Variants in ZNF385D observed in about 807,000 individuals in gnomAD.
ZNF385D encodes the protein zinc finger protein 659.
In ZNF385D, 15 loss-of-function variants were observed where a neutral mutation model predicts 35.8. That is an observed-to-expected ratio of 0.42 (90% CI 0.28 to 0.64). ZNF385D has a LOEUF of 0.64. Ranked by LOEUF, ZNF385D falls within the 30% of genes least tolerant of loss-of-function variation. The probability of loss-of-function intolerance (pLI) is 0.23; values close to 1 mark genes in which losing one functional copy is unlikely to be tolerated. For missense variants in ZNF385D, 474 were observed against 494.6 expected, an observed-to-expected ratio of 0.96 and a Z score of 0.39; for synonymous variants, 212 against 186.8, an observed-to-expected ratio of 1.13 and a Z score of -1.10.
At chr3:21,936,681 A>G (rs1389431535) in intron 3 of ZNF385D, among the ~76,000 whole-genome samples, 1 of 152,126 alleles carries the variant, frequency 6.6e-6, no homozygotes, top group Non-Finnish European at 1.5e-5. Flanking sequence ...CCCAGTTATT[A>G]GCATAGTTTA....
chr3:21,924,564 G>A (rs1234364448), intron 3 of ZNF385D, among the ~76,000 whole-genome samples: 1 of 152,120 alleles, frequency 6.6e-6, no homozygotes, highest in Admixed American at 6.6e-5. Flanking sequence ...ATGGATCCTA[G>A]GTTTCAACCT....
At chr3:21,967,967 T>C (rs1453558106) in intron 3 of ZNF385D, among the ~76,000 whole-genome samples, 1 of 152,158 alleles carries the variant, frequency 6.6e-6, no homozygotes, top group Non-Finnish European at 1.5e-5. Flanking sequence ...GACACTAAAG[T>C]GGGTAGTTTT....
intron 3 of ZNF385D, among the ~76,000 whole-genome samples, chr3:21,935,814 C>T (rs1701230716): frequency 6.6e-6 from 1 of 152,002 alleles, no homozygotes; most frequent in Admixed American, 6.6e-5. Flanking sequence ...CGGTGGAGTA[C>T]CTTTTCTTGA....
intron 3 of ZNF385D, among the ~76,000 whole-genome samples, chr3:21,549,256 C>T (rs144593997): frequency 6.6e-5 from 10 of 152,286 alleles, no homozygotes; most frequent in African/African-American, 2.4e-4. Context: ...AAGCCTGATT[C>T]GAAGAGTCCT....
intron 2 of ZNF385D, among the ~76,000 whole-genome samples, chr3:22,292,444 G>A (rs1432466224): frequency 6.6e-6 from 1 of 151,940 alleles, no homozygotes; most frequent in Non-Finnish European, 1.5e-5. Flanking sequence ...ATTAGTTTTT[G>A]TTTTCTGTGT....
intron 3 of ZNF385D, among the ~76,000 whole-genome samples, chr3:21,876,230 C>A (rs914826911): frequency 6.6e-6 from 1 of 150,864 alleles, no homozygotes; most frequent in African/African-American, 2.4e-5. Context: ...AAACACATAT[C>A]TTGTAAGTGG....
chr3:22,358,224 G>A lies in ZNF385D; in HGVS notation c.106+14226C>T, dbSNP rs180847860. Reference sequence around the variant, plus strand: ...AATTGTCTCAGAAATATGACAAATTGAGGTGAGGAAATGAAGACAAAGCAT... The same window carrying A: ...AATTGTCTCAGAAATATGACAAATTAAGGTGAGGAAATGAAGACAAAGCAT... On this transcript the variant is annotated intron_variant, in intron 2 of 5. Transcript: ENST00000494108. Among the ~76,000 whole-genome samples the A allele has an allele frequency of 3.2e-3, 482 of 151,980 alleles. 4 individuals are homozygous for A. Among genetic ancestry groups the A allele is most frequent in the African/African-American group, 0.011 (469 of 41,536 alleles).
At chr3:21,928,311 A>C (rs1175793152) in intron 3 of ZNF385D, among the ~76,000 whole-genome samples, 4 of 129,920 alleles carry the variant, frequency 3.1e-5, no homozygotes, top group Non-Finnish European at 6.5e-5. Flanking sequence ...GAAGGAAGGT[A>C]GGAGGGAGGA....
Position 22,130,399 on chromosome 3 carries a change from A to G in ZNF385D, c.325+38418T>C, listed in dbSNP as rs150042112. On this transcript the variant is annotated intron_variant, in intron 3 of 5. Coordinates refer to the ZNF385D transcript ENST00000494108. The stretch of plus-strand genomic sequence containing the variant: ...ATTAATTACAATCCTTGTGGCCTAG[A>G]CTGCCTTTCAAGTTTATTTAGAAAC... Among the ~76,000 whole-genome samples, 520 of 152,210 alleles carry G rather than the reference A, an allele frequency of 3.4e-3. 14 individuals are homozygous for G. Among genetic ancestry groups the G allele is most frequent in the Admixed American group, 0.03 (465 of 15,274 alleles).
chr3:21,948,397 G>C (rs1701900046), intron 3 of ZNF385D, among the ~76,000 whole-genome samples: 1 of 151,944 alleles, frequency 6.6e-6, no homozygotes, highest in African/African-American at 2.4e-5. Flanking sequence ...TCTTTGCATT[G>C]ACAAGTTTTT....
chr3:21,975,529 T>C (rs1703541449), intron 3 of ZNF385D, among the ~76,000 whole-genome samples: 1 of 151,994 alleles, frequency 6.6e-6, no homozygotes. Context: ...TTGTACACTT[T>C]AAAATAACTA....
At chr3:22,305,638 A>G (rs745444314) in intron 2 of ZNF385D, among the ~76,000 whole-genome samples, 6 of 152,176 alleles carry the variant, frequency 3.9e-5, no homozygotes, top group Admixed American at 6.5e-5. Context: ...TTGTGCCCAG[A>G]GATGATAGAG....
At chr3:22,210,854 T>A (rs1332538378) in intron 2 of ZNF385D, among the ~76,000 whole-genome samples, 1 of 151,910 alleles carries the variant, frequency 6.6e-6, no homozygotes, top group Admixed American at 6.6e-5. Context: ...ATGCACTGAA[T>A]TACAAATTAT....
chr3:22,060,201 C>G (rs1223214108), intron 3 of ZNF385D, among the ~76,000 whole-genome samples: 3 of 152,146 alleles, frequency 2.0e-5, no homozygotes, highest in Non-Finnish European at 4.4e-5. Flanking sequence ...CTCTAGCTTG[C>G]AGATGACAGA....
At chr3:21,542,355 T>TC (rs1274354345) in intron 3 of ZNF385D, among the ~76,000 whole-genome samples, 1 of 150,684 alleles carries the variant, frequency 6.6e-6, no homozygotes, top group Admixed American at 6.6e-5. Context: ...CTTTTTTTTT[T>TC]TTTCCCAGAG....
chr3:22,077,415 A>T (rs1170212293), intron 3 of ZNF385D, among the ~76,000 whole-genome samples: 1 of 151,956 alleles, frequency 6.6e-6, no homozygotes, highest in Non-Finnish European at 1.5e-5. Flanking sequence ...ATTGTCCAAC[A>T]TTGGTCATTA....
intron 3 of ZNF385D, among the ~76,000 whole-genome samples, chr3:21,537,752 A>G (rs1307734938): frequency 1.3e-5 from 2 of 152,066 alleles, no homozygotes; most frequent in African/African-American, 4.8e-5. Context: ...AAAGTCTCCC[A>G]GAGGCCATGT....
intron 3 of ZNF385D, among the ~76,000 whole-genome samples, chr3:22,029,330 G>A (rs765649599): frequency 2.6e-5 from 4 of 152,192 alleles, no homozygotes; most frequent in African/African-American, 9.7e-5. Context: ...GCTTCTCATA[G>A]TATGACCATG....
intron 4 of ZNF385D, among the ~76,000 whole-genome samples, chr3:21,446,786 C>T (rs956605389): frequency 1.3e-5 from 1 of 79,748 alleles, no homozygotes; most frequent in Non-Finnish European, 2.6e-5. Context: ...AGCCACCGTG[C>T]CTGGCCTAAA....
Sources: gnomAD v4.1 joint callset for allele counts (sites outside exome capture counted in the v4.1 genomes callset) on GRCh38, gnomAD v4.1.1 for gene constraint, MANE v1.5 for transcripts, NCBI Gene and HGNC (gene_info 2026-07-23, HGNC 2026-07-21) for gene names.